The following GRID1 variants were observed in gnomAD, a reference collection of about 807,000 sequenced individuals.
The protein encoded by GRID1 is glutamate receptor ionotropic, delta-1.
In GRID1, 28 loss-of-function variants were observed where a neutral mutation model predicts 98.0. That is an observed-to-expected ratio of 0.29 (90% CI 0.21 to 0.39). GRID1 has a LOEUF of 0.39. Ranked by LOEUF, GRID1 falls within the 10% of genes least tolerant of loss-of-function variation. The probability of loss-of-function intolerance (pLI) is 1.00; values close to 1 mark genes in which losing one functional copy is unlikely to be tolerated. For synonymous variants in GRID1, 553 were observed against 538.5 expected, an observed-to-expected ratio of 1.03 and a Z score of -0.37; for missense variants, 1,111 against 1,340.5, an observed-to-expected ratio of 0.83 and a Z score of 2.67.
chr10:85,760,672 G>A (rs1408925035), intron 8 of GRID1, among the ~76,000 whole-genome samples: 1 of 152,122 alleles, frequency 6.6e-6, no homozygotes. Flanking sequence ...TCAACAATAA[G>A]TATACATTTG....
intron 4 of GRID1, among the ~76,000 whole-genome samples, chr10:85,943,165 T>C (rs529390888): frequency 3.3e-5 from 5 of 152,130 alleles, no homozygotes; most frequent in Non-Finnish European, 5.9e-5. Context: ...AGAGGAAAAA[T>C]TGTTATGTCA....
At chr10:85,833,094 T>C (rs184427887) in intron 8 of GRID1, among the ~76,000 whole-genome samples, 5 of 152,138 alleles carry the variant, frequency 3.3e-5, no homozygotes, top group Non-Finnish European at 7.4e-5. Context: ...CCAGCAAGGG[T>C]GATTCCACCT....
At chr10:86,157,851 A>C (rs1013466640) in intron 3 of GRID1, among the ~76,000 whole-genome samples, 1 of 152,212 alleles carries the variant, frequency 6.6e-6, no homozygotes, top group African/African-American at 2.4e-5. Flanking sequence ...ATTATGCAAA[A>C]TATAGGAGAT....
At chr10:86,085,266 C>G (rs141030051) in intron 4 of GRID1, among the ~76,000 whole-genome samples, 1 of 152,186 alleles carries the variant, frequency 6.6e-6, no homozygotes, top group African/African-American at 2.4e-5. Context: ...CCTGGGCTTT[C>G]GGGGCTCAGC....
At chr10:86,317,598 T>C (rs932680721) in intron 2 of GRID1, among the ~76,000 whole-genome samples, 1 of 152,038 alleles carries the variant, frequency 6.6e-6, no homozygotes, top group Non-Finnish European at 1.5e-5. Flanking sequence ...TGGGCAGGCC[T>C]CGGGCAGCAA....
At chr10:85,764,128 T>G (rs1842174781) in intron 8 of GRID1, among the ~76,000 whole-genome samples, 2 of 152,204 alleles carry the variant, frequency 1.3e-5, no homozygotes, top group African/African-American at 2.4e-5. Flanking sequence ...GTGGTGAGTC[T>G]TTCCATGAAG....
chr10:85,879,088 G>T (rs1401776484), intron 5 of GRID1, among the ~76,000 whole-genome samples: 1 of 152,016 alleles, frequency 6.6e-6, no homozygotes, highest in East Asian at 1.9e-4. Flanking sequence ...AAATATATAT[G>T]CACCCAATAC....
In GRID1 at chr10:86,167,932, AGT is replaced by A. The variant is rs752198820; in HGVS notation, c.521-28910_521-28909del. 2.6e-5 allele frequency among the ~76,000 whole-genome samples: 4 copies of A among 152,302 alleles called. No individual in the cohort carries two copies. In the South Asian group the frequency reaches 6.2e-4, roughly 24 times the overall value. ...GAGGGAGGCACCAGGCCAGGCTCAC[AGT>A]GGGTTCTCCAGGACAGAAGGAGCTA... On this transcript the variant is annotated intron_variant, in intron 3 of 15. Coordinates refer to ENST00000327946, the MANE Select transcript of GRID1 (RefSeq NM_017551.3).
chr10:86,335,681 C>T (rs919046407), intron 2 of GRID1, among the ~76,000 whole-genome samples: 3 of 152,208 alleles, frequency 2.0e-5, no homozygotes, highest in African/African-American at 7.2e-5. Context: ...ACTGCTATAT[C>T]CCCTGCATCC....
intron 2 of GRID1, among the ~76,000 whole-genome samples, chr10:86,278,595 A>T (rs887270316): frequency 2.0e-5 from 3 of 152,212 alleles, no homozygotes. Context: ...AAAAGAGATG[A>T]TATTACTACA....
chr10:86,304,158 C>T (rs7914291), intron 2 of GRID1, among the ~76,000 whole-genome samples: 9,528 of 152,318 alleles, frequency 0.063, 539 homozygotes, highest in African/African-American at 0.15. Context: ...CTCTGCACCT[C>T]CTACCTGTCC....
chr10:86,239,364 G>C (rs954770364), intron 2 of GRID1, among the ~76,000 whole-genome samples: 5 of 152,222 alleles, frequency 3.3e-5, no homozygotes, highest in Non-Finnish European at 7.3e-5. Context: ...CTCATAGGCA[G>C]AAGGTACTTG....
chr10:86,081,463 G>A (rs1477750014), intron 4 of GRID1, among the ~76,000 whole-genome samples: 3 of 152,158 alleles, frequency 2.0e-5, no homozygotes, highest in Non-Finnish European at 2.9e-5. Context: ...AGAAGAGGAG[G>A]CTCATGGCCA....
chr10:86,068,400 C>G (rs1201053031), intron 4 of GRID1, among the ~76,000 whole-genome samples: 1 of 152,198 alleles, frequency 6.6e-6, no homozygotes, highest in Non-Finnish European at 1.5e-5. Context: ...AAACTTCCCC[C>G]CACTGAGGAG....
At chr10:86,122,566 G>T (rs180728731) in intron 4 of GRID1, among the ~76,000 whole-genome samples, 262 of 152,336 alleles carry the variant, frequency 1.7e-3, no homozygotes, top group African/African-American at 5.9e-3. Flanking sequence ...TCCACTGGGT[G>T]CCTGGATAAC....
chr10:85,810,733 G>C (rs1403388545), intron 8 of GRID1, among the ~76,000 whole-genome samples: 2 of 152,140 alleles, frequency 1.3e-5, no homozygotes, highest in African/African-American at 4.8e-5. Flanking sequence ...CAGCCTGGTG[G>C]ACCTGCCCCA....
intron 8 of GRID1, among the ~76,000 whole-genome samples, chr10:85,826,932 T>C (rs1201417348): frequency 3.9e-5 from 6 of 151,962 alleles, no homozygotes; most frequent in African/African-American, 1.5e-4. Context: ...TATGCCACAA[T>C]CAAACCCCCA....
At chr10:85,651,905 G>A (rs866681067) in intron 12 of GRID1, among the ~76,000 whole-genome samples, 1 of 152,148 alleles carries the variant, frequency 6.6e-6, no homozygotes, top group Non-Finnish European at 1.5e-5. Context: ...CCAATCTTAC[G>A]TTTAAACCAA....
At chr10:85,696,215 G>A (rs537985932) in intron 12 of GRID1, among the ~76,000 whole-genome samples, 2 of 152,150 alleles carry the variant, frequency 1.3e-5, no homozygotes, top group South Asian at 2.1e-4. Flanking sequence ...CTATAGATAT[G>A]AGTGCATGTT....
Sources: allele counts gnomAD v4.1 joint callset (sites outside exome capture counted in the v4.1 genomes callset), GRCh38; gene constraint gnomAD v4.1.1; transcripts MANE v1.5; gene names NCBI Gene and HGNC (gene_info 2026-07-23, HGNC 2026-07-21).